The following SYN2 variants were observed in gnomAD, a reference collection of about 807,000 sequenced individuals.
The protein encoded by SYN2 is synapsin II.
A neutral mutation model predicts 50.9 loss-of-function variants in SYN2; 19 were observed. The ratio of observed to expected loss-of-function variants is 0.37; its 90% CI spans 0.26 to 0.55. SYN2 has a LOEUF of 0.55. SYN2 is among the 20% of genes least tolerant of loss of function. The pLI is 0.81. For missense variants in SYN2, 587 were observed against 576.4 expected, an observed-to-expected ratio of 1.02 and a Z score of -0.19; for synonymous variants, 255 against 224.9, an observed-to-expected ratio of 1.13 and a Z score of -1.20.
At chr3:12,044,645 C>T (rs1694697628) in intron 1 of SYN2, among the ~76,000 whole-genome samples, 1 of 152,120 alleles carries the variant, frequency 6.6e-6, no homozygotes, top group East Asian at 1.9e-4. Flanking sequence ...TATGGAGGCA[C>T]TATTTTTAGA....
chr3:12,110,895 A>G (rs1319890903), intron 1 of SYN2, among the ~76,000 whole-genome samples: 1 of 152,192 alleles, frequency 6.6e-6, no homozygotes, highest in African/African-American at 2.4e-5. Flanking sequence ...TTGATTTTAT[A>G]GGCTCCTAGC....
chr3:12,077,255 G>A lies in SYN2; in HGVS notation c.378-63396G>A, dbSNP rs544134854. ...AAAATTCATATAAGAATAACTCTAA[G>A]CATGGCCATAGATTTTAATCAAACC... On this transcript the variant is annotated intron_variant, in intron 1 of 12. Transcript: ENST00000621198. 2.5e-3 allele frequency among the ~76,000 whole-genome samples: 382 copies of A among 152,050 alleles called. 1 individual carries two copies. Among genetic ancestry groups the A allele is most frequent in the African/African-American group, 8.5e-3 (354 of 41,472 alleles).
chr3:12,171,321 A>G (rs891172147), intron 10 of SYN2, among the ~76,000 whole-genome samples: 13 of 152,234 alleles, frequency 8.5e-5, no homozygotes, highest in African/African-American at 2.9e-4. Context: ...TGTAAATGTG[A>G]TGGAATCAAG....
chr3:12,116,754 A>ATTTC (rs1696440290), intron 1 of SYN2, among the ~76,000 whole-genome samples: 1 of 152,002 alleles, frequency 6.6e-6, no homozygotes, highest in Non-Finnish European at 1.5e-5. Context: ...TTATTTATTT[A>ATTTC]TTTTTGTTTT....
rs547121129 is a variant in SYN2 at position 12,014,061 on chromosome 3, A to G, written c.377+9133A>G. ...ACTCTCTAGATTGTATTGAGCGTCTATGCCCCCTCCATGCCCTCTTTCAAT... is the reference window on the plus strand; with the variant it reads ...ACTCTCTAGATTGTATTGAGCGTCTGTGCCCCCTCCATGCCCTCTTTCAAT... On this transcript the variant is annotated intron_variant, in intron 1 of 12. Transcript: ENST00000621198. Among the ~76,000 whole-genome samples the G allele has an allele frequency of 1.1e-4, 16 of 152,228 alleles. No individual in the cohort carries two copies. The East Asian group carries it at 2.5e-3, about 24-fold the overall frequency.
At position 12,160,476 on chromosome 3, in the gene SYN2, C is replaced by A. The variant is rs185795266; in HGVS notation, c.775-1070C>A. 1.5e-4 allele frequency among the ~76,000 whole-genome samples: 23 copies of A among 152,240 alleles called. No individual in the cohort carries two copies. In the East Asian group the frequency reaches 4.1e-3, roughly 27 times the overall value. On this transcript the variant is annotated intron_variant, in intron 5 of 12. Coordinates refer to ENST00000621198, the MANE Select transcript of SYN2 (RefSeq NM_133625.6). ...TCAACATTATTTCCTTCAAAGGATA[C>A]CTTTTCATTTTGATGGTGTTAGTGA...
intron 2 of SYN2, among the ~76,000 whole-genome samples, 182 bp from the exon 3 acceptor site, chr3:12,141,722 TG>T (rs1478507250): frequency 6.6e-6 from 1 of 152,206 alleles, no homozygotes; most frequent in Non-Finnish European, 1.5e-5. Context: ...CTTTGGTAAA[TG>T]GGGATAATTA....
chr3:12,017,257 A>G (rs1174022957), intron 1 of SYN2, among the ~76,000 whole-genome samples: 2 of 152,218 alleles, frequency 1.3e-5, no homozygotes, highest in Non-Finnish European at 2.9e-5. Context: ...ATGATAATAC[A>G]TAATGTATTG....
intron 1 of SYN2, among the ~76,000 whole-genome samples, chr3:12,033,758 C>A (rs959631232): frequency 6.6e-6 from 1 of 152,286 alleles, no homozygotes; most frequent in African/African-American, 2.4e-5. Context: ...TAAATGGAAC[C>A]ATACAATATG....
intron 7 of SYN2, among the ~76,000 whole-genome samples, chr3:12,164,145 A>T (rs1697724616): frequency 6.6e-6 from 1 of 152,294 alleles, no homozygotes; most frequent in Admixed American, 6.5e-5. Flanking sequence ...GAAGCAAAAA[A>T]ATATATACCT....
At chr3:12,067,103 CAT>C (rs963959404) in intron 1 of SYN2, among the ~76,000 whole-genome samples, 2 of 152,092 alleles carry the variant, frequency 1.3e-5, no homozygotes, top group African/African-American at 4.8e-5. Context: ...CCTCCCACGA[CAT>C]GTGGGGATTA....
In SYN2 at chr3:12,025,799, T is replaced by A. The variant is rs137914737; in HGVS notation, c.377+20871T>A. On this transcript the variant is annotated intron_variant, in intron 1 of 12. Coordinates refer to ENST00000621198, the MANE Select transcript of SYN2 (RefSeq NM_133625.6). ...ACCTCCCCCTACCCTGTGCCTTCTC[T>A]GCTGCCTCACTGAATCTCTTAGCAG... Among the ~76,000 whole-genome samples the A allele has an allele frequency of 6.9e-3, 1,052 of 152,034 alleles. 12 individuals are homozygous for A. The highest frequency in any genetic ancestry group is 0.024 in the African/African-American group (982 of 41,560).
chr3:12,048,481 G>C (rs968493702), intron 1 of SYN2, among the ~76,000 whole-genome samples: 1 of 152,152 alleles, frequency 6.6e-6, no homozygotes, highest in Non-Finnish European at 1.5e-5. Context: ...GCCAGGCTGA[G>C]ATTTTATTTT....
At chr3:12,125,427 C>T (rs962158748) in intron 1 of SYN2, among the ~76,000 whole-genome samples, 2 of 151,498 alleles carry the variant, frequency 1.3e-5, no homozygotes, top group African/African-American at 4.9e-5. Flanking sequence ...TTGCATTTCT[C>T]CAAGATTATG....
chr3:12,162,660 T>C (rs962002621), intron 7 of SYN2, among the ~76,000 whole-genome samples: 7 of 152,196 alleles, frequency 4.6e-5, no homozygotes, highest in African/African-American at 1.7e-4. Context: ...ACACATCTTA[T>C]ATATTGTGTT....
chr3:12,057,396 T>C (rs1229158924), intron 1 of SYN2, among the ~76,000 whole-genome samples: 1 of 151,960 alleles, frequency 6.6e-6, no homozygotes, highest in Admixed American at 6.6e-5. Context: ...AACAAAGATA[T>C]TTGAAATGAG....
chr3:12,073,049 G>A (rs937397431), intron 1 of SYN2, among the ~76,000 whole-genome samples: 4 of 152,100 alleles, frequency 2.6e-5, no homozygotes, highest in African/African-American at 9.7e-5. Context: ...AACTTAGAAA[G>A]CTCTCTCTTA....
intron 1 of SYN2, among the ~76,000 whole-genome samples, chr3:12,075,757 G>A (rs367706786): frequency 2.6e-5 from 4 of 152,196 alleles, no homozygotes; most frequent in East Asian, 3.9e-4. Flanking sequence ...TTCTGAAATT[G>A]CATTAGGAGT....
Position 12,127,158 on chromosome 3 carries a change from C to T in SYN2, c.378-13493C>T, listed in dbSNP as rs906822538. Among the ~76,000 whole-genome samples, 6 of 152,168 alleles carry T rather than the reference C, an allele frequency of 3.9e-5. No individual in the cohort carries two copies. In the East Asian group the frequency reaches 1.2e-3, roughly 29 times the overall value. ...GGTAAAAATGAACTAGGTTTTCAGGCTAACCAGCTTGAGTTGGTTTTTAAA... is the reference window on the plus strand; with the variant it reads ...GGTAAAAATGAACTAGGTTTTCAGGTTAACCAGCTTGAGTTGGTTTTTAAA... On this transcript the variant is annotated intron_variant, in intron 1 of 12. Transcript: ENST00000621198.
Sources: allele counts gnomAD v4.1 joint callset (sites outside exome capture counted in the v4.1 genomes callset), GRCh38; gene constraint gnomAD v4.1.1; transcripts MANE v1.5; gene names NCBI Gene and HGNC (gene_info 2026-07-23, HGNC 2026-07-21).